CNTNAP2: variants seen among roughly 807,000 people sequenced by gnomAD.
CNTNAP2 encodes the protein contactin associated protein 2.
In CNTNAP2, 98 loss-of-function variants were observed where a neutral mutation model predicts 155.2. That is an observed-to-expected ratio of 0.63 (90% CI 0.54 to 0.75). The LOEUF is 0.75. Ranked by LOEUF, CNTNAP2 falls within the 30% of genes least tolerant of loss-of-function variation. CNTNAP2 has a pLI of 0.00. For missense variants in CNTNAP2, 1,727 were observed against 1,688.1 expected (o/e 1.02, Z -0.40); for synonymous variants, 651 against 631.2 (o/e 1.03, Z -0.47).
At chr7:147,610,301 T>C (rs557497944) in intron 12 of CNTNAP2, among the ~76,000 whole-genome samples, 1 of 152,254 alleles carries the variant, frequency 6.6e-6, no homozygotes, top group East Asian at 1.9e-4. Context: ...TCAAGTGGTT[T>C]TTTTTCTTTG....
At chr7:147,818,507 A>T (rs534373360) in intron 13 of CNTNAP2, among the ~76,000 whole-genome samples, 2 of 152,278 alleles carry the variant, frequency 1.3e-5, no homozygotes, top group East Asian at 1.9e-4. Flanking sequence ...TGCCCCGTGC[A>T]CTCACGATTG....
At chr7:146,265,973 C>G (rs1799987936) in intron 1 of CNTNAP2, among the ~76,000 whole-genome samples, 1 of 151,924 alleles carries the variant, frequency 6.6e-6, no homozygotes, top group Non-Finnish European at 1.5e-5. Context: ...CCTAAAAGAA[C>G]AAATTTGCCC....
intron 8 of CNTNAP2, among the ~76,000 whole-genome samples, chr7:147,249,748 T>C (rs555434555): frequency 5.3e-5 from 8 of 152,230 alleles, no homozygotes; most frequent in African/African-American, 1.7e-4. Context: ...GAGGTCATAA[T>C]TGATTGAGTC....
At chr7:148,323,053 T>C (rs962932195) in intron 21 of CNTNAP2, among the ~76,000 whole-genome samples, 1 of 152,068 alleles carries the variant, frequency 6.6e-6, no homozygotes, top group African/African-American at 2.4e-5. Context: ...ATTGTTATAA[T>C]CACCATAATA....
In CNTNAP2 at chr7:146,245,530, A is replaced by C. The variant is rs560025319; in HGVS notation, c.97+128557A>C. Reference sequence around the variant, plus strand: ...ATCCAGTTGTTTGCGCAGAAAGGCTACAGGGTGCAGTCCTGGCTCTTGTGT... The same window carrying C: ...ATCCAGTTGTTTGCGCAGAAAGGCTCCAGGGTGCAGTCCTGGCTCTTGTGT... On this transcript the variant is annotated intron_variant, in intron 1 of 23. Transcript: ENST00000361727. 2.5e-4 allele frequency among the ~76,000 whole-genome samples: 38 copies of C among 152,250 alleles called. 1 individual carries two copies. Among genetic ancestry groups the C allele is most frequent in the Admixed American group, 2.2e-3 (33 of 15,308 alleles).
At chr7:146,347,376 C>T (rs1014889717) in intron 1 of CNTNAP2, among the ~76,000 whole-genome samples, 2 of 152,118 alleles carry the variant, frequency 1.3e-5, no homozygotes, top group Non-Finnish European at 2.9e-5. Context: ...AGCAACAGCT[C>T]AACCAGAGAC....
chr7:146,117,239 G>T lies in CNTNAP2; in HGVS notation c.97+266G>T, dbSNP rs1423264833. 58 of 499,986 alleles carry T rather than the reference G, an allele frequency of 1.2e-4. No individual in the cohort carries two copies. In the East Asian group the frequency reaches 1.8e-3, roughly 15 times the overall value. The allele number at this position is 499,986 out of a possible 1,614,324, so 31.0% of individuals were successfully genotyped here. A position where few individuals can be genotyped will look rare whatever the true frequency, so the allele number is the denominator to read the frequency against. ...CGGTTGGCAAGAGCTTGGCTAGAGA[G>T]ACTGATGTAGATGGCAGCTTCTTAG... On this transcript the variant is annotated intron_variant, in intron 1 of 23. Transcript: ENST00000361727.
intron 15 of CNTNAP2, among the ~76,000 whole-genome samples, chr7:147,998,551 A>G (rs1768423336): frequency 1.3e-5 from 2 of 152,222 alleles, no homozygotes; most frequent in South Asian, 4.1e-4. Flanking sequence ...GCATCTCTTT[A>G]AAAGGAAACA....
At chr7:147,151,304 C>T (rs372099322) in intron 8 of CNTNAP2, among the ~76,000 whole-genome samples, 5 of 152,094 alleles carry the variant, frequency 3.3e-5, no homozygotes, top group South Asian at 2.1e-4. Context: ...GTAAACCCAA[C>T]GCTAAGAGGG....
intron 16 of CNTNAP2, among the ~76,000 whole-genome samples, chr7:148,143,245 C>T (rs896289917): frequency 6.6e-6 from 1 of 152,126 alleles, no homozygotes. Flanking sequence ...AGGCCTGAAG[C>T]GTGAAAAGTG....
intron 1 of CNTNAP2, among the ~76,000 whole-genome samples, chr7:146,330,522 A>G (rs1354934194): frequency 2.0e-5 from 3 of 152,316 alleles, no homozygotes; most frequent in Admixed American, 6.5e-5. Context: ...GAAGAAAAGT[A>G]AAGTATGATA....
At chr7:147,766,906 C>T (rs1319191392) in intron 13 of CNTNAP2, among the ~76,000 whole-genome samples, 1 of 151,918 alleles carries the variant, frequency 6.6e-6, no homozygotes, top group African/African-American at 2.4e-5. Context: ...TTTCAGATTA[C>T]TGAAAATGTG....
At chr7:146,886,941 G>A (rs1033348848) in intron 3 of CNTNAP2, among the ~76,000 whole-genome samples, 1 of 151,568 alleles carries the variant, frequency 6.6e-6, no homozygotes, top group Non-Finnish European at 1.5e-5. Flanking sequence ...AGTGACGTCT[G>A]CCCTGCTGCT....
At chr7:147,508,350 G>A (rs1227224598) in intron 11 of CNTNAP2, among the ~76,000 whole-genome samples, 1 of 152,006 alleles carries the variant, frequency 6.6e-6, no homozygotes, top group Non-Finnish European at 1.5e-5. Flanking sequence ...AGCCACTGAA[G>A]CCAGTAATCT....
intron 1 of CNTNAP2, among the ~76,000 whole-genome samples, chr7:146,338,028 G>A (rs1801308250): frequency 6.6e-6 from 1 of 152,118 alleles, no homozygotes; most frequent in African/African-American, 2.4e-5. Flanking sequence ...TCACTGCAAA[G>A]ATGGCCTTTT....
intron 1 of CNTNAP2, among the ~76,000 whole-genome samples, chr7:146,334,275 C>G (rs371455100): frequency 6.6e-6 from 1 of 151,922 alleles, no homozygotes; most frequent in African/African-American, 2.4e-5. Context: ...ACTAAAAATA[C>G]CAAAAATGAG....
intron 1 of CNTNAP2, among the ~76,000 whole-genome samples, chr7:146,618,992 C>T (rs148123978): frequency 1.1e-4 from 16 of 151,772 alleles, no homozygotes; most frequent in African/African-American, 2.9e-4. Context: ...ATCGCTTGAA[C>T]CCAGGAGGGA....
chr7:147,236,088 G>A (rs903280237), intron 8 of CNTNAP2, among the ~76,000 whole-genome samples: 1 of 152,110 alleles, frequency 6.6e-6, no homozygotes, highest in Non-Finnish European at 1.5e-5. Flanking sequence ...CCAGTTATAA[G>A]CAATTTCTTG....
chr7:146,750,936 C>T (rs34995305), intron 1 of CNTNAP2, among the ~76,000 whole-genome samples: 8,899 of 152,100 alleles, frequency 0.059, 343 homozygotes, highest in Non-Finnish European at 0.078. Flanking sequence ...CATTAACAGG[C>T]GATATGATTC....
Sources: allele counts gnomAD v4.1 joint callset (sites outside exome capture counted in the v4.1 genomes callset), GRCh38; gene constraint gnomAD v4.1.1; transcripts MANE v1.5; gene names NCBI Gene and HGNC (gene_info 2026-07-23, HGNC 2026-07-21).